The following ZNF140 variants were observed in gnomAD, a reference collection of about 807,000 sequenced individuals.
ZNF140 encodes zinc finger protein 140.
Under a neutral mutation model 12.9 loss-of-function variants are expected in ZNF140, and 13 were observed. The observed-to-expected ratio is 1.01, with a 90% CI of 0.66 to 1.60. ZNF140 has a LOEUF of 1.60. Among genes scored for constraint, ZNF140 ranks in the 40% most tolerant of loss-of-function variants. The pLI is 0.00. For missense variants in ZNF140, 531 were observed against 548.8 expected (o/e 0.97, Z 0.32); for synonymous variants, 214 against 186.7 (o/e 1.15, Z -1.19).
At chr12:133,081,682 C>T in intron 2 of ZNF140, 1 of 417,546 alleles carries the variant, frequency 2.4e-6, no homozygotes. Context: ...GGTTTCTGAC[C>T]TGGCTGGCAT....
chr12:133,089,638 G>C (rs1196783092), intron 4 of ZNF140, among the ~76,000 whole-genome samples: 1 of 152,312 alleles, frequency 6.6e-6, no homozygotes. Flanking sequence ...TTTGTGGGCA[G>C]AGTTATTCAT....
At chr12:133,093,799 C>CCT (rs373925973) in intron 4 of ZNF140, among the ~76,000 whole-genome samples, 3 of 149,660 alleles carry the variant, frequency 2.0e-5, no homozygotes, top group Non-Finnish European at 3.0e-5. Context: ...TCTCTCTCTT[C>CCT]CTCTCTCTCT....
intron 3 of ZNF140, 75 bp from the exon 4 acceptor site, chr12:133,083,390 AC>A (rs1464501285): frequency 1.3e-6 from 2 of 1,538,314 alleles, no homozygotes; most frequent in Non-Finnish European, 1.8e-6. Context: ...TTAAAAACTT[AC>A]ATCTGACATT....
At chr12:133,084,536 T>C (rs1406637262) in intron 4 of ZNF140, among the ~76,000 whole-genome samples, 1 of 152,194 alleles carries the variant, frequency 6.6e-6, no homozygotes, top group African/African-American at 2.4e-5. Context: ...AATTTCCAGT[T>C]GTCGTTTTAG....
chr12:133,106,847 T>G lies in ZNF140; in HGVS notation c.*196T>G, dbSNP rs1955618845. The G allele has an allele frequency of 6.6e-6, 3 of 454,366 alleles. No individual in the cohort carries two copies. In the South Asian group the frequency reaches 1.4e-4, roughly 22 times the overall value. 28.1% of individuals were successfully genotyped at this position (454,366 alleles called of 1,614,324 possible). A position where few individuals can be genotyped will look rare whatever the true frequency, so the allele number is the denominator to read the frequency against. On this transcript the variant is annotated 3_prime_UTR_variant, in exon 5 of 5. Coordinates refer to ENST00000355557, the MANE Select transcript of ZNF140 (RefSeq NM_003440.4). ...GGAAAAGCCATTAATAACCACTCTTTTATTTTTTTGCAATAACAAGGTGAA... is the reference window on the plus strand; with the variant it reads ...GGAAAAGCCATTAATAACCACTCTTGTATTTTTTTGCAATAACAAGGTGAA...
chr12:133,083,375 A>G (rs1405009367), intron 3 of ZNF140, 91 bp from the exon 4 acceptor site: 53 of 1,515,056 alleles, frequency 3.5e-5, no homozygotes, highest in South Asian at 2.9e-4. Context: ...TTATTTTTAG[A>G]CATTTTAAAA....
At chr12:133,091,034 C>T (rs1018094565) in intron 4 of ZNF140, among the ~76,000 whole-genome samples, 26 of 148,902 alleles carry the variant, frequency 1.7e-4, no homozygotes, top group East Asian at 1.4e-3. Context: ...CAGGGGCAGA[C>T]AGGAGACAGT....
At chr12:133,105,294 T>TA (rs1376218104) in intron 4 of ZNF140, among the ~76,000 whole-genome samples, 2 of 152,238 alleles carry the variant, frequency 1.3e-5, no homozygotes, top group Non-Finnish European at 2.9e-5. Flanking sequence ...TTCAATTACT[T>TA]ACGTTTACAC....
Position 133,106,029 on chromosome 12 carries a change from G to A in ZNF140, c.752G>A (p.Gly251Glu). The change falls in exon 5 of 5, where the codon GGA (glycine) becomes GAA (glutamate). Residue 251 changes from glycine (G) to glutamate (E), a missense_variant. Transcript: ENST00000355557. ...AAACCTTATGAATGTACTGAGTGTG[G>A]AAAGGCCTTTAGCCGTGCCTCCAAC... ...GEKPYECTEC[G>E]KAFSRASNLT... 1.2e-6 allele frequency: 2 copies of A among 1,614,118 alleles called. No individual in the cohort carries two copies. Among genetic ancestry groups the A allele is most frequent in the Non-Finnish European group, 1.7e-6 (2 of 1,180,016 alleles).
rs1955563203 is a variant in ZNF140 at position 133,105,601 on chromosome 12, A to G, written c.324A>G (p.Leu108=). The G allele has an allele frequency of 6.2e-6, 10 of 1,614,038 alleles. No individual in the cohort carries two copies. The Admixed American group carries it at 1.0e-4, about 16-fold the overall frequency. ...SSQYLIMERI[L]SQGPVYSSFK... is the part of the protein sequence containing the mutation. ...AGTATTTGATCATGGAAAGAATTCT[A>G]AGTCAAGGCCCTGTGTATTCCAGTT... Residue 108 remains leucine, a synonymous_variant, in exon 5 of 5, where the codon CTA becomes CTG. Transcript: ENST00000355557.
intron 4 of ZNF140, chr12:133,084,272 C>G: frequency 2.8e-6 from 1 of 362,154 alleles, no homozygotes; most frequent in South Asian, 2.2e-5. Context: ...TTTTGCTGTT[C>G]TATTTAATCA....
intron 4 of ZNF140, among the ~76,000 whole-genome samples, chr12:133,098,869 AT>A (rs1446265654): frequency 2.0e-5 from 3 of 149,474 alleles, no homozygotes; most frequent in African/African-American, 7.4e-5. Context: ...TGCCTGGCTA[AT>A]TTTTTGTATT....
chr12:133,082,134 TG>T (rs1392421244), intron 2 of ZNF140: 2 of 152,260 alleles, frequency 1.3e-5, no homozygotes, highest in Non-Finnish European at 2.9e-5. Context: ...TTCACAGCAG[TG>T]GGGATAACAG....
chr12:133,084,345 C>G (rs1954603751), intron 4 of ZNF140: 7 of 306,538 alleles, frequency 2.3e-5, no homozygotes, highest in South Asian at 1.9e-4. Context: ...TTCACATACA[C>G]TCTTAATATT....
At chr12:133,087,565 A>C (rs1029953721) in intron 4 of ZNF140, among the ~76,000 whole-genome samples, 1 of 150,812 alleles carries the variant, frequency 6.6e-6, no homozygotes, top group African/African-American at 2.4e-5. Context: ...AAAGAAATCT[A>C]TAACTAGTTG....
intron 4 of ZNF140, among the ~76,000 whole-genome samples, chr12:133,098,825 C>T (rs889264911): frequency 6.7e-6 from 1 of 150,358 alleles, no homozygotes; most frequent in Non-Finnish European, 1.5e-5. Context: ...CTATCAGCCT[C>T]CTGAGTAGCT....
rs955855616 is a variant in ZNF140 at position 133,081,470 on chromosome 12, A to G, written c.9+141A>G. 48 of 453,386 alleles carry G rather than the reference A, an allele frequency of 1.1e-4. 1 individual carries two copies. The highest frequency in any genetic ancestry group is 7.4e-4 in the South Asian group (47 of 63,796). 28.1% of individuals were successfully genotyped at this position (453,386 alleles called of 1,614,324 possible). A position where few individuals can be genotyped will look rare whatever the true frequency, so the allele number is the denominator to read the frequency against. ...CTGTAACCTCAAACTCTTGGCCTCA[A>G]GTGAGCCAACCCACTTGGCCTGTTT... On this transcript the variant is annotated intron_variant, in intron 2 of 4. Coordinates refer to ENST00000355557, the MANE Select transcript of ZNF140 (RefSeq NM_003440.4).
intron 4 of ZNF140, among the ~76,000 whole-genome samples, chr12:133,096,036 A>T (rs1474591893): frequency 1.3e-5 from 2 of 150,938 alleles, no homozygotes; most frequent in African/African-American, 4.9e-5. Flanking sequence ...CCACCTCAGC[A>T]CAGACCCTTT....
chr12:133,091,037 G>C (rs964257940), intron 4 of ZNF140, among the ~76,000 whole-genome samples: 5 of 148,758 alleles, frequency 3.4e-5, no homozygotes, highest in Admixed American at 2.0e-4. Context: ...GGGCAGACAG[G>C]AGACAGTGGC....
Sources: gnomAD v4.1 joint callset for allele counts (sites outside exome capture counted in the v4.1 genomes callset) on GRCh38, gnomAD v4.1.1 for gene constraint, MANE v1.5 for transcripts, NCBI Gene and HGNC (gene_info 2026-07-23, HGNC 2026-07-21) for gene names.